Variants in CYB5A observed in about 807,000 individuals in gnomAD.
CYB5A encodes the protein cytochrome b5 type A.
Under a neutral mutation model 16.2 loss-of-function variants are expected in CYB5A, and 10 were observed. The observed-to-expected ratio is 0.62, with a 90% CI of 0.38 to 1.04. The LOEUF (loss-of-function observed/expected upper bound fraction) is 1.04, where lower values mean the gene tolerates loss of function less well. Among genes scored for constraint, CYB5A ranks in the 50% least tolerant of loss-of-function variants. The pLI, the probability that CYB5A is intolerant of heterozygous loss-of-function variation, is 0.01. For missense variants in CYB5A, 161 were observed against 165.9 expected, an observed-to-expected ratio of 0.97 and a Z score of 0.16; for synonymous variants, 62 against 57.0, an observed-to-expected ratio of 1.09 and a Z score of -0.40.
chr18:74,255,714 C>T (rs769445208), intron 4 of CYB5A, 27 bp downstream of exon 4: 2 of 1,604,036 alleles, frequency 1.2e-6, no homozygotes, highest in Admixed American at 3.3e-5. Context: ...CCACCCACTA[C>T]TGCTTTAAAA....
intron 3 of CYB5A, chr18:74,259,102 C>T (rs536429245): frequency 6.6e-6 from 1 of 152,356 alleles, no homozygotes; most frequent in South Asian, 2.1e-4. Flanking sequence ...CGAGATCACG[C>T]CATTGCACTC....
intron 1 of CYB5A, among the ~76,000 whole-genome samples, chr18:74,289,803 G>A (rs1047246504): frequency 3.3e-5 from 5 of 151,384 alleles, no homozygotes; most frequent in African/African-American, 1.2e-4. Flanking sequence ...AAAAATAGGG[G>A]AGGTGGTGGT....
chr18:74,262,910 G>A (rs1297585951), intron 2 of CYB5A, among the ~76,000 whole-genome samples: 5 of 152,166 alleles, frequency 3.3e-5, no homozygotes, highest in Non-Finnish European at 7.3e-5. Flanking sequence ...AACACTTTGA[G>A]AGGCCGAGGT....
At chr18:74,277,161 G>A (rs759746009) in intron 1 of CYB5A, among the ~76,000 whole-genome samples, 1 of 152,216 alleles carries the variant, frequency 6.6e-6, no homozygotes, top group Non-Finnish European at 1.5e-5. Flanking sequence ...AACAATTGAT[G>A]CAAGATTTAG....
intron 1 of CYB5A, among the ~76,000 whole-genome samples, chr18:74,283,905 C>T (rs1364038783): frequency 6.6e-6 from 1 of 152,142 alleles, no homozygotes; most frequent in African/African-American, 2.4e-5. Flanking sequence ...AGGGAGGACA[C>T]AATCACCACT....
At chr18:74,270,964 C>G (rs1446219010) in intron 1 of CYB5A, among the ~76,000 whole-genome samples, 1 of 152,194 alleles carries the variant, frequency 6.6e-6, no homozygotes, top group Admixed American at 6.6e-5. Flanking sequence ...GAGATAAGCA[C>G]AGATCATTCT....
intron 1 of CYB5A, among the ~76,000 whole-genome samples, chr18:74,267,511 T>A (rs1041912107): frequency 6.6e-5 from 10 of 152,038 alleles, no homozygotes; most frequent in African/African-American, 2.4e-4. Context: ...AAAGAAAAAT[T>A]GGGAATGCTG....
At chr18:74,267,056 G>C (rs559678291) in intron 1 of CYB5A, among the ~76,000 whole-genome samples, 7 of 152,252 alleles carry the variant, frequency 4.6e-5, no homozygotes, top group African/African-American at 1.7e-4. Flanking sequence ...GAGAGAGAGA[G>C]AGACACTTGG....
In CYB5A at chr18:74,252,459, G is replaced by T. The variant is rs1981804033; in HGVS notation, c.*1125C>A. On this transcript the variant is annotated 3_prime_UTR_variant, in exon 5 of 5. Coordinates refer to ENST00000340533, the MANE Select transcript of CYB5A (RefSeq NM_148923.4). ...ATTTCTTCAAAGATCAGATTCCAATGTCCCACAATCTCCTTACAAATTAGA... is the reference window on the plus strand; with the variant it reads ...ATTTCTTCAAAGATCAGATTCCAATTTCCCACAATCTCCTTACAAATTAGA... The T allele has an allele frequency of 6.6e-6, 1 of 152,160 alleles. No homozygotes were observed. Among genetic ancestry groups the T allele is most frequent in the Non-Finnish European group, 1.5e-5 (1 of 68,032 alleles). 9.4% of individuals were successfully genotyped at this position (152,160 alleles called of 1,614,324 possible). A position where few individuals can be genotyped will look rare whatever the true frequency, so the allele number is the denominator to read the frequency against.
chr18:74,267,061 A>G (rs1488540665), intron 1 of CYB5A, among the ~76,000 whole-genome samples: 1 of 152,206 alleles, frequency 6.6e-6, no homozygotes, highest in African/African-American at 2.4e-5. Context: ...AGAGAGAGAC[A>G]CTTGGCCAAG....
chr18:74,264,678 G>T (rs543725789), intron 1 of CYB5A, among the ~76,000 whole-genome samples: 3 of 152,182 alleles, frequency 2.0e-5, no homozygotes, highest in Admixed American at 6.5e-5. Context: ...ATGGAGGCAC[G>T]GAGGCAGGGG....
intron 1 of CYB5A, among the ~76,000 whole-genome samples, chr18:74,278,755 A>C (rs752220851): frequency 3.9e-5 from 6 of 152,198 alleles, no homozygotes; most frequent in Non-Finnish European, 7.4e-5. Flanking sequence ...TGCTGTTAGA[A>C]TTTCCTCTTC....
At chr18:74,289,816 C>T (rs1599271873) in intron 1 of CYB5A, among the ~76,000 whole-genome samples, 1 of 149,802 alleles carries the variant, frequency 6.7e-6, no homozygotes, top group African/African-American at 2.5e-5. Context: ...GTGGTGGTAC[C>T]GGTCATCTAG....
chr18:74,269,934 AAT>A (rs1430620836), intron 1 of CYB5A, among the ~76,000 whole-genome samples: 1 of 152,184 alleles, frequency 6.6e-6, no homozygotes, highest in Admixed American at 6.5e-5. Flanking sequence ...GGGTGGCAGT[AAT>A]GGTGATGCAG....
intron 1 of CYB5A, among the ~76,000 whole-genome samples, chr18:74,267,507 A>G (rs766755767): frequency 6.6e-6 from 1 of 152,220 alleles, no homozygotes; most frequent in Non-Finnish European, 1.5e-5. Context: ...AGACAAAGAA[A>G]AATTGGGAAT....
chr18:74,270,697 A>G (rs1340926332), intron 1 of CYB5A, among the ~76,000 whole-genome samples: 2 of 152,208 alleles, frequency 1.3e-5, no homozygotes, highest in Non-Finnish European at 2.9e-5. Context: ...TACATTAGGT[A>G]TTATAAGTAA....
At chr18:74,283,024 C>A (rs891280342) in intron 1 of CYB5A, among the ~76,000 whole-genome samples, 2 of 152,168 alleles carry the variant, frequency 1.3e-5, no homozygotes, top group Non-Finnish European at 2.9e-5. Context: ...TTTGATGGAA[C>A]CAATGAAATC....
At chr18:74,268,571 A>G (rs1308564541) in intron 1 of CYB5A, among the ~76,000 whole-genome samples, 1 of 152,160 alleles carries the variant, frequency 6.6e-6, no homozygotes, top group Non-Finnish European at 1.5e-5. Context: ...CAGAGTGGAC[A>G]GCAGACAAAA....
chr18:74,255,291 G>A (rs1395481579), intron 4 of CYB5A, among the ~76,000 whole-genome samples: 1 of 152,150 alleles, frequency 6.6e-6, no homozygotes, highest in Non-Finnish European at 1.5e-5. Context: ...CAATTGAGTC[G>A]TGCTACACAT....
Sources: allele counts gnomAD v4.1 joint callset (sites outside exome capture counted in the v4.1 genomes callset), GRCh38; gene constraint gnomAD v4.1.1; transcripts MANE v1.5; gene names NCBI Gene and HGNC (gene_info 2026-07-23, HGNC 2026-07-21).